Variants in LRRC38 observed in about 807,000 individuals in gnomAD.
LRRC38 encodes leucine rich repeat containing 38, also known as leucine-rich repeat-containing protein 38.
A neutral mutation model predicts 16.4 loss-of-function variants in LRRC38; 5 were observed. The ratio of observed to expected loss-of-function variants is 0.31; its 90% CI spans 0.16 to 0.64. LRRC38 has a LOEUF of 0.64. LRRC38 is among the 30% of genes least tolerant of loss of function. The pLI is 0.80. For synonymous variants in LRRC38, 191 were observed against 190.2 expected (o/e 1.00, Z -0.04); for missense variants, 341 against 401.8 (o/e 0.85, Z 1.29).
At chr1:13,481,164 G>T (rs976825532) in intron 1 of LRRC38, among the ~76,000 whole-genome samples, 14 of 151,988 alleles carry the variant, frequency 9.2e-5, no homozygotes, top group Non-Finnish European at 1.9e-4. Context: ...CACTCTGGAG[G>T]GCAGTGGCGC....
intron 1 of LRRC38, among the ~76,000 whole-genome samples, chr1:13,484,637 TAG>T (rs1638909758): frequency 6.6e-6 from 1 of 152,096 alleles, no homozygotes; most frequent in African/African-American, 2.4e-5. Flanking sequence ...CTCTCTGGAG[TAG>T]AGAGAAGCTG....
At position 13,487,847 on chromosome 1, in the gene LRRC38, G is replaced by A. The variant is rs868722395; in HGVS notation, c.632-11748C>T. 3.9e-4 allele frequency among the ~76,000 whole-genome samples: 59 copies of A among 152,248 alleles called. No homozygotes were observed. The highest frequency in any genetic ancestry group is 1.2e-3 in the African/African-American group (50 of 41,540). ...CCTGATCTGGCCTCCTGGGAACTGC[G>A]TAACTCAGATTAACAACAGGCTCTG... is the stretch of plus-strand genomic sequence containing the variant. On this transcript the variant is annotated intron_variant, in intron 1 of 1. Coordinates refer to ENST00000376085, the MANE Select transcript of LRRC38 (RefSeq NM_001010847.2). This position sits in a 1 kb window ranked among gnomAD's most constrained non-coding sequence, Gnocchi z 4.4.
intron 1 of LRRC38, among the ~76,000 whole-genome samples, chr1:13,498,206 G>A (rs561335452): frequency 5.0e-4 from 75 of 151,304 alleles, no homozygotes; most frequent in Middle Eastern, 3.4e-3. Context: ...TCTGGGGCAG[G>A]AAGCAGAGAC....
At chr1:13,509,477 C>T (rs997820908) in intron 1 of LRRC38, among the ~76,000 whole-genome samples, 6 of 152,122 alleles carry the variant, frequency 3.9e-5, no homozygotes, top group South Asian at 2.1e-4. Flanking sequence ...TCAAACCCAG[C>T]GGCATATTCT....
intron 1 of LRRC38, among the ~76,000 whole-genome samples, chr1:13,499,494 C>T (rs1356087503): frequency 2.6e-5 from 4 of 152,212 alleles, no homozygotes; most frequent in Non-Finnish European, 5.9e-5. Flanking sequence ...CACAATTCAA[C>T]CCATAGCATC....
At chr1:13,494,139 C>A (rs562659053) in intron 1 of LRRC38, among the ~76,000 whole-genome samples, 14 of 152,338 alleles carry the variant, frequency 9.2e-5, no homozygotes, top group African/African-American at 3.4e-4. Context: ...TAAGCCCCTA[C>A]AACATGATAG....
At chr1:13,493,998 G>A (rs962368208) in intron 1 of LRRC38, among the ~76,000 whole-genome samples, 1 of 152,198 alleles carries the variant, frequency 6.6e-6, no homozygotes, top group Non-Finnish European at 1.5e-5. Flanking sequence ...AGGAGGCGGA[G>A]GTTGCGGTGA....
intron 1 of LRRC38, among the ~76,000 whole-genome samples, chr1:13,511,961 T>A (rs974424638): frequency 9.2e-5 from 14 of 152,048 alleles, no homozygotes; most frequent in African/African-American, 3.4e-4. Flanking sequence ...GAAAAAAAAA[T>A]ATTCTGAAGC....
At chr1:13,499,789 G>A (rs1639124320) in intron 1 of LRRC38, among the ~76,000 whole-genome samples, 1 of 152,184 alleles carries the variant, frequency 6.6e-6, no homozygotes, top group Non-Finnish European at 1.5e-5. Flanking sequence ...CAGGCTTCCA[G>A]ACCACAGTGC....
At chr1:13,504,923 C>A (rs181373452) in intron 1 of LRRC38, among the ~76,000 whole-genome samples, 18 of 152,148 alleles carry the variant, frequency 1.2e-4, no homozygotes, top group Admixed American at 2.6e-4. Context: ...GAAGCGGAGA[C>A]AAGCATATGA....
At chr1:13,494,675 T>C (rs184682806) in intron 1 of LRRC38, among the ~76,000 whole-genome samples, 1 of 152,240 alleles carries the variant, frequency 6.6e-6, no homozygotes, top group East Asian at 1.9e-4. Context: ...TGTCATGCAA[T>C]ATGAGGGGAG....
At position 13,513,224 on chromosome 1, in the gene LRRC38, AGGCGCC is replaced by A; in HGVS notation, c.364_369del (p.Gly122_Ala123del). The A allele has an allele frequency of 1.3e-6, 2 of 1,550,376 alleles. No individual in the cohort carries two copies. Among genetic ancestry groups the A allele is most frequent in the African/African-American group, 2.7e-5 (2 of 73,114 alleles). The stretch of plus-strand genomic sequence containing the variant: ...TTCACCAGCCTCCCGGCCGAGCGGA[AGGCGCC>A]GGCGCCCAGCTGGGTCAAGTTGTTG... On this transcript the variant is annotated inframe_deletion, in exon 1 of 2. Coordinates refer to ENST00000376085, the MANE Select transcript of LRRC38 (RefSeq NM_001010847.2).
Position 13,475,817 on chromosome 1 carries a change from A to G in LRRC38, c.*29T>C, listed in dbSNP as rs956822038. 3.6e-5 allele frequency: 55 copies of G among 1,544,744 alleles called. No individual in the cohort carries two copies. The highest frequency in any genetic ancestry group is 4.5e-5 in the Non-Finnish European group (51 of 1,143,818). On this transcript the variant is annotated 3_prime_UTR_variant, in exon 2 of 2. Coordinates refer to ENST00000376085, the MANE Select transcript of LRRC38 (RefSeq NM_001010847.2). The surrounding 1 kb of genome is among the most constrained non-coding windows in gnomAD (Gnocchi z 4.3). Reference sequence around the variant, plus strand: ...GAGAGAGCTTCTGGTTCGGTGCTGGAGAGTAAGAGGCAGGAGGGAGGAGGT... The same window carrying G: ...GAGAGAGCTTCTGGTTCGGTGCTGGGGAGTAAGAGGCAGGAGGGAGGAGGT...
In LRRC38 at chr1:13,513,204, CAGCCTCCCGGCCG is replaced by C. The variant is rs1446087263; in HGVS notation, c.377_389del (p.Ser126TrpfsTer2). 6.4e-7 allele frequency: 1 copy of C among 1,550,526 alleles called. No individual in the cohort carries two copies. Among genetic ancestry groups the C allele is most frequent in the South Asian group, 1.2e-5 (1 of 84,064 alleles). The stretch of plus-strand genomic sequence containing the variant: ...TGTTGTTAGCCAGGCTAAGCTTCAC[CAGCCTCCCGGCCG>C]AGCGGAAGGCGCCGGCGCCCAGCTG... On this transcript the variant is annotated frameshift_variant, in exon 1 of 2. Coordinates refer to ENST00000376085, the MANE Select transcript of LRRC38 (RefSeq NM_001010847.2). LOFTEE classifies it high-confidence loss of function.
chr1:13,493,393 C>T (rs966459562), intron 1 of LRRC38, among the ~76,000 whole-genome samples: 10 of 152,090 alleles, frequency 6.6e-5, no homozygotes, highest in African/African-American at 2.4e-4. Flanking sequence ...GAGAAGACCT[C>T]GCCATTATCT....
At chr1:13,504,182 T>TA (rs1344910928) in intron 1 of LRRC38, among the ~76,000 whole-genome samples, 1 of 152,208 alleles carries the variant, frequency 6.6e-6, no homozygotes, top group Non-Finnish European at 1.5e-5. Flanking sequence ...AAAAGCTTCT[T>TA]TATATGACTA....
intron 1 of LRRC38, among the ~76,000 whole-genome samples, chr1:13,480,863 A>G (rs1638845156): frequency 6.6e-6 from 1 of 152,130 alleles, no homozygotes; most frequent in African/African-American, 2.4e-5. Flanking sequence ...AGACTAATAC[A>G]CCCAGGCTGG....
At chr1:13,489,568 T>C (rs942614813) in intron 1 of LRRC38, among the ~76,000 whole-genome samples, 3 of 152,262 alleles carry the variant, frequency 2.0e-5, no homozygotes, top group Admixed American at 6.5e-5. Context: ...CACCAGGTCC[T>C]TAATTCACCC....
At chr1:13,504,775 A>AGGGAG (rs1569936554) in intron 1 of LRRC38, among the ~76,000 whole-genome samples, 2 of 95,120 alleles carry the variant, frequency 2.1e-5, no homozygotes, top group East Asian at 1.1e-3. Context: ...AAGGGAGGGA[A>AGGGAG]GGGGAGAGGG....
Sources: gnomAD v4.1 joint callset for allele counts (sites outside exome capture counted in the v4.1 genomes callset) on GRCh38, gnomAD v4.1.1 for gene constraint, Gnocchi (gnomAD v3.1) non-coding constraint, MANE v1.5 for transcripts, NCBI Gene and HGNC (gene_info 2026-07-23, HGNC 2026-07-21) for gene names.